The following SLC25A21 variants were observed in gnomAD, a reference collection of about 807,000 sequenced individuals.
SLC25A21 encodes the protein mitochondrial 2-oxodicarboxylate carrier.
SLC25A21 carries 47 observed loss-of-function variants against 43.8 expected under a neutral mutation model. The observed-to-expected ratio is 1.07, with a 90% CI of 0.85 to 1.37. SLC25A21 has a LOEUF of 1.37. SLC25A21 is among the 40% of genes most tolerant of loss of function. The pLI is 0.00. For synonymous variants in SLC25A21, 131 were observed against 121.3 expected, an observed-to-expected ratio of 1.08 and a Z score of -0.52; for missense variants, 352 against 350.2, an observed-to-expected ratio of 1.00 and a Z score of -0.04.
chr14:36,890,003 T>C (rs1205244448), intron 1 of SLC25A21, among the ~76,000 whole-genome samples: 1 of 152,214 alleles, frequency 6.6e-6, no homozygotes, highest in Non-Finnish European at 1.5e-5. Context: ...CACATATTTT[T>C]TGAGTGCCTA....
At chr14:36,750,556 C>T (rs1409173764) in intron 3 of SLC25A21, among the ~76,000 whole-genome samples, 4 of 152,214 alleles carry the variant, frequency 2.6e-5, no homozygotes, top group Admixed American at 6.5e-5. Flanking sequence ...TAATTTTAGT[C>T]TAATTTGATG....
At chr14:36,954,793 T>C (rs919432041) in intron 1 of SLC25A21, among the ~76,000 whole-genome samples, 1 of 152,176 alleles carries the variant, frequency 6.6e-6, no homozygotes, top group African/African-American at 2.4e-5. Context: ...TTCCTTCCTC[T>C]ACCTTTCTTC....
In SLC25A21 at chr14:37,160,193, G is replaced by A. The variant is rs117908956; in HGVS notation, c.70+12088C>T. On this transcript the variant is annotated intron_variant, in intron 1 of 9. Coordinates refer to ENST00000331299, the MANE Select transcript of SLC25A21 (RefSeq NM_030631.4). ...AAAACTAAAAATAGAATTACCACTC[G>A]ATCCAGCAATTCCACTACTGGGTAT... is the stretch of plus-strand genomic sequence containing the variant. 4.2e-3 allele frequency among the ~76,000 whole-genome samples: 633 copies of A among 152,208 alleles called. 4 individuals are homozygous for A. Among genetic ancestry groups the A allele is most frequent in the African/African-American group, 7.9e-3 (329 of 41,510 alleles).
At chr14:36,893,514 G>C (rs923629537) in intron 1 of SLC25A21, among the ~76,000 whole-genome samples, 2 of 152,180 alleles carry the variant, frequency 1.3e-5, no homozygotes, top group African/African-American at 2.4e-5. Context: ...TCTGATGGTA[G>C]TTTCTTTTGC....
At chr14:36,693,320 T>C (rs1057133719) in intron 7 of SLC25A21, among the ~76,000 whole-genome samples, 21 of 152,134 alleles carry the variant, frequency 1.4e-4, no homozygotes, top group African/African-American at 3.9e-4. Context: ...GATGTGAACA[T>C]ATGGCAGCCT....
intron 1 of SLC25A21, among the ~76,000 whole-genome samples, chr14:36,902,354 A>ATGAC (rs1891418970): frequency 1.3e-5 from 2 of 152,200 alleles, no homozygotes; most frequent in South Asian, 4.1e-4. Flanking sequence ...AGGGTCAAAG[A>ATGAC]TGACTATTCA....
At chr14:36,733,082 C>A (rs111473606) in intron 4 of SLC25A21, among the ~76,000 whole-genome samples, 1 of 152,210 alleles carries the variant, frequency 6.6e-6, no homozygotes, top group African/African-American at 2.4e-5. Context: ...AAGTCTTAAT[C>A]CTCTTAAAGT....
intron 3 of SLC25A21, among the ~76,000 whole-genome samples, chr14:36,739,852 G>A (rs904175202): frequency 6.6e-6 from 1 of 152,118 alleles, no homozygotes; most frequent in South Asian, 2.1e-4. Context: ...AAGGGATAAA[G>A]CAGAATTGTT....
intron 3 of SLC25A21, among the ~76,000 whole-genome samples, chr14:36,803,859 T>C (rs1887949832): frequency 1.3e-5 from 2 of 152,314 alleles, no homozygotes; most frequent in South Asian, 4.1e-4. Context: ...TTCCTGGTTA[T>C]TACTAAATTC....
At chr14:37,101,010 T>C (rs1206892855) in intron 1 of SLC25A21, among the ~76,000 whole-genome samples, 1 of 152,184 alleles carries the variant, frequency 6.6e-6, no homozygotes, top group Non-Finnish European at 1.5e-5. Flanking sequence ...TACCTAGCAA[T>C]TATAAACTAA....
intron 1 of SLC25A21, among the ~76,000 whole-genome samples, chr14:37,084,027 T>C (rs1962437696): frequency 1.3e-5 from 2 of 152,180 alleles, no homozygotes; most frequent in African/African-American, 4.8e-5. Context: ...ATCCTAATCT[T>C]CCTGGACGGT....
chr14:36,914,444 C>CA (rs1319322748), intron 1 of SLC25A21, among the ~76,000 whole-genome samples: 1 of 152,178 alleles, frequency 6.6e-6, no homozygotes, highest in African/African-American at 2.4e-5. Context: ...TGCACAGCAA[C>CA]ATTACATAAA....
intron 1 of SLC25A21, among the ~76,000 whole-genome samples, chr14:36,945,437 T>C (rs1199849358): frequency 6.6e-6 from 1 of 152,126 alleles, no homozygotes; most frequent in African/African-American, 2.4e-5. Context: ...GCGCTATTCA[T>C]GAGAGGCAAG....
At chr14:36,712,004 T>C (rs940904153) in intron 6 of SLC25A21, among the ~76,000 whole-genome samples, 3 of 152,228 alleles carry the variant, frequency 2.0e-5, no homozygotes, top group Non-Finnish European at 2.9e-5. Flanking sequence ...TAAATAGCTG[T>C]TGATTGTACA....
chr14:37,172,309 A>G lies in SLC25A21; in HGVS notation c.42T>C (p.Ser14=), dbSNP rs1321201674. Residue 14 remains serine (S), a synonymous_variant, in exon 1 of 10, where the codon TCT becomes TCC. Coordinates refer to ENST00000331299, the MANE Select transcript of SLC25A21 (RefSeq NM_030631.4). The stretch of plus-strand genomic sequence containing the variant: ...CAGAACCACCGGCCACGATCTGCCG[A>G]GAAGCCTCGCGCACTAAGCTGACTT... ...KPEVSLVREA[S]RQIVAGGSAG... The G allele has an allele frequency of 2.7e-5, 43 of 1,602,446 alleles. No homozygotes were observed. The highest frequency in any genetic ancestry group is 3.5e-5 in the Non-Finnish European group (41 of 1,174,776).
intron 9 of SLC25A21, among the ~76,000 whole-genome samples, chr14:36,683,221 T>C (rs1326648918): frequency 6.6e-6 from 1 of 152,252 alleles, no homozygotes; most frequent in African/African-American, 2.4e-5. Context: ...GGCAGCCGAT[T>C]CTCCCTGTGG....
intron 1 of SLC25A21, among the ~76,000 whole-genome samples, chr14:36,878,705 A>G (rs1489313979): frequency 6.6e-6 from 1 of 152,228 alleles, no homozygotes; most frequent in African/African-American, 2.4e-5. Flanking sequence ...TTCTCATAAA[A>G]TTAAAAATCT....
Position 36,686,214 on chromosome 14 carries a change from T to A in SLC25A21, c.604-1289A>T, listed in dbSNP as rs148844542. Among the ~76,000 whole-genome samples, 225 of 152,290 alleles carry A rather than the reference T, an allele frequency of 1.5e-3. 1 individual carries two copies. The highest frequency in any genetic ancestry group is 5.3e-3 in the African/African-American group (219 of 41,558). On this transcript the variant is annotated intron_variant, in intron 7 of 9. Coordinates refer to ENST00000331299, the MANE Select transcript of SLC25A21 (RefSeq NM_030631.4). ...CTAAATATAAAAAGCAAGGGTTTGG[T>A]AATAATTCCTGGATCTGGGCCATAC...
intron 1 of SLC25A21, among the ~76,000 whole-genome samples, chr14:36,992,435 A>T (rs114964768): frequency 0.02 from 3,042 of 151,960 alleles, 96 homozygotes; most frequent in African/African-American, 0.068. Flanking sequence ...TAATAAAAAA[A>T]TTTTTTTTAA....
Sources: gnomAD v4.1 joint callset for allele counts (sites outside exome capture counted in the v4.1 genomes callset) on GRCh38, gnomAD v4.1.1 for gene constraint, MANE v1.5 for transcripts, NCBI Gene and HGNC (gene_info 2026-07-23, HGNC 2026-07-21) for gene names.